Variants in KLRG1 observed in about 807,000 individuals in gnomAD.
KLRG1 encodes killer cell lectin like receptor G1, also known as killer cell lectin-like receptor subfamily G member 1.
A neutral mutation model predicts 21.8 loss-of-function variants in KLRG1; 16 were observed. The observed-to-expected ratio is 0.73, with a 90% CI of 0.50 to 1.11. The LOEUF (loss-of-function observed/expected upper bound fraction) is 1.11. Ranked by LOEUF, KLRG1 falls within the 50% of genes most tolerant of loss-of-function variation. KLRG1 has a pLI of 0.00. For synonymous variants in KLRG1, 69 were observed against 75.9 expected (o/e 0.91, Z 0.47); for missense variants, 173 against 218.3 (o/e 0.79, Z 1.31).
At chr12:9,065,902 C>G in the KLRG1 span, 1 of 152,232 alleles carries the variant, frequency 6.6e-6, no homozygotes, top group Non-Finnish European at 1.5e-5. Context: ...ATTCCAGAAC[C>G]TCCTCTCTGC....
chr12:9,109,546 A>G, the KLRG1 span: 10 of 672,048 alleles, frequency 1.5e-5, no homozygotes, highest in East Asian at 5.4e-5. Flanking sequence ...ATTCTTATCT[A>G]TCCTCCTCTC....
chr12:8,979,931 T>C (rs946211314), intron 1 of KLRG1, among the ~76,000 whole-genome samples: 4 of 152,160 alleles, frequency 2.6e-5, no homozygotes, highest in Admixed American at 6.5e-5. Context: ...GTTGGAGTTT[T>C]GCTCTGTTGC....
chr12:9,065,484 A>C, the KLRG1 span, among the ~76,000 whole-genome samples: 1 of 152,132 alleles, frequency 6.6e-6, no homozygotes, highest in Non-Finnish European at 1.5e-5. Flanking sequence ...CCGAGCGTGC[A>C]CACGCTCAGG....
At chr12:8,990,252 A>G (rs1946928931) in intron 1 of KLRG1, 1 of 152,136 alleles carries the variant, frequency 6.6e-6, no homozygotes, top group African/African-American at 2.4e-5. Context: ...AAGTATCAAG[A>G]AACTACAGAT....
the KLRG1 span, among the ~76,000 whole-genome samples, chr12:9,096,285 A>T: frequency 2.6e-5 from 4 of 152,216 alleles, no homozygotes; most frequent in South Asian, 4.1e-4. Context: ...AGAGGCCACC[A>T]CTAGACTCAA....
the KLRG1 span, among the ~76,000 whole-genome samples, chr12:9,193,612 T>C: frequency 2.0e-5 from 3 of 152,186 alleles, no homozygotes; most frequent in African/African-American, 7.2e-5. Flanking sequence ...TTATTGACAC[T>C]GAAATCCATA....
the KLRG1 span, among the ~76,000 whole-genome samples, chr12:9,124,959 C>A: frequency 6.6e-6 from 1 of 152,232 alleles, no homozygotes; most frequent in Non-Finnish European, 1.5e-5. Flanking sequence ...TTCCTCCACC[C>A]CATAAAAGCC....
chr12:9,112,365 G>C, the KLRG1 span: 1 of 1,610,886 alleles, frequency 6.2e-7, no homozygotes, highest in Non-Finnish European at 8.5e-7. Flanking sequence ...CTGTCTGTAG[G>C]CTTCTTCATA....
the KLRG1 span, chr12:9,065,158 C>T: frequency 2.7e-5 from 3 of 111,904 alleles, no homozygotes; most frequent in African/African-American, 6.6e-5. Context: ...TCCTCCCCCC[C>T]CCCCCCCCCG....
the KLRG1 span, among the ~76,000 whole-genome samples, chr12:9,206,152 G>A: frequency 5.4e-4 from 82 of 151,990 alleles, no homozygotes; most frequent in East Asian, 0.014. Context: ...CCTGATCACT[G>A]CTCTTTTAAC....
the KLRG1 span, among the ~76,000 whole-genome samples, chr12:9,122,524 T>C: frequency 6.6e-6 from 1 of 152,218 alleles, no homozygotes; most frequent in Admixed American, 6.5e-5. Context: ...CAACAATAGC[T>C]ACAACAGTAA....
At chr12:9,164,664 A>C in the KLRG1 span, among the ~76,000 whole-genome samples, 1 of 152,222 alleles carries the variant, frequency 6.6e-6, no homozygotes, top group Non-Finnish European at 1.5e-5. Flanking sequence ...GGAATGGTAG[A>C]TGAGAGGCTC....
the KLRG1 span, among the ~76,000 whole-genome samples, chr12:9,034,976 T>C: frequency 6.6e-6 from 1 of 152,148 alleles, no homozygotes; most frequent in South Asian, 2.1e-4. Context: ...TGTGTAGGCC[T>C]TGGCTAATGT....
chr12:9,062,094 A>G, the KLRG1 span, among the ~76,000 whole-genome samples: 2 of 150,068 alleles, frequency 1.3e-5, no homozygotes, highest in Non-Finnish European at 3.0e-5. Context: ...TATATATTGT[A>G]TAAAAAATCA....
chr12:8,963,843 C>G (rs1457314288), intron 1 of KLRG1, among the ~76,000 whole-genome samples: 1 of 152,186 alleles, frequency 6.6e-6, no homozygotes, highest in Non-Finnish European at 1.5e-5. Context: ...ATAGTATTCT[C>G]TGATGGTAGT....
chr12:9,076,633 T>C, the KLRG1 span: 1 of 842,070 alleles, frequency 1.2e-6, no homozygotes, highest in African/African-American at 1.7e-5. Context: ...GGACAAAATA[T>C]ATATGATATA....
chr12:8,966,747 C>T, intron 1 of KLRG1, among the ~76,000 whole-genome samples: 1 of 138,928 alleles, frequency 7.2e-6, no homozygotes, highest in African/African-American at 2.6e-5. Context: ...GGACTGTAAA[C>T]TAGTTCAACC....
At chr12:9,199,824 T>A in the KLRG1 span, among the ~76,000 whole-genome samples, 1 of 152,208 alleles carries the variant, frequency 6.6e-6, no homozygotes, top group Admixed American at 6.5e-5. Flanking sequence ...AATTGTGTTT[T>A]ACTTCTCTGT....
the KLRG1 span, among the ~76,000 whole-genome samples, chr12:9,171,956 G>A: frequency 4.6e-5 from 7 of 152,178 alleles, no homozygotes; most frequent in African/African-American, 1.7e-4. Flanking sequence ...AACCTAGCAA[G>A]ACAGGCCAAC....
Sources: gnomAD v4.1 joint callset for allele counts (sites outside exome capture counted in the v4.1 genomes callset) on GRCh38, gnomAD v4.1.1 for gene constraint, MANE v1.5 for transcripts, NCBI Gene and HGNC (gene_info 2026-07-23, HGNC 2026-07-21) for gene names.